The following LSAMP variants were observed in gnomAD, a reference collection of about 807,000 sequenced individuals.
The protein encoded by LSAMP is limbic system associated membrane protein.
A neutral mutation model predicts 38.6 loss-of-function variants in LSAMP; 7 were observed. The observed-to-expected ratio is 0.18, with a 90% CI of 0.10 to 0.34. The LOEUF is 0.34. Ranked by LOEUF, LSAMP falls within the 10% of genes least tolerant of loss-of-function variation. LSAMP has a pLI of 1.00. For synonymous variants in LSAMP, 154 were observed against 166.8 expected (o/e 0.92, Z 0.59); for missense variants, 313 against 420.0 (o/e 0.75, Z 2.23).
At chr3:116,310,349 A>G (rs1182920509) in intron 1 of LSAMP, among the ~76,000 whole-genome samples, 1 of 152,190 alleles carries the variant, frequency 6.6e-6, no homozygotes, top group East Asian at 1.9e-4. Flanking sequence ...TTTAGCTACT[A>G]AAACTGCTCT....
At chr3:116,357,057 T>A (rs2048235700) in intron 1 of LSAMP, among the ~76,000 whole-genome samples, 1 of 152,180 alleles carries the variant, frequency 6.6e-6, no homozygotes, top group South Asian at 2.1e-4. Context: ...CCTCCCAAAG[T>A]GCTGGGATTA....
chr3:116,379,034 C>G (rs1462310983), intron 1 of LSAMP, among the ~76,000 whole-genome samples: 1 of 144,976 alleles, frequency 6.9e-6, no homozygotes, highest in Non-Finnish European at 1.5e-5. Flanking sequence ...CACACACACA[C>G]GAGTCCTACC....
intron 3 of LSAMP, among the ~76,000 whole-genome samples, chr3:115,920,885 CATATATAT>C (rs111648586): frequency 1.3e-5 from 2 of 148,614 alleles, no homozygotes; most frequent in Non-Finnish European, 3.0e-5. Context: ...ATGTTGGGTG[CATATATAT>C]ATATATATTA....
At chr3:115,865,154 C>T (rs1935821596) in intron 3 of LSAMP, among the ~76,000 whole-genome samples, 1 of 152,132 alleles carries the variant, frequency 6.6e-6, no homozygotes. Context: ...TGGTATGCTA[C>T]TATCAGTTTA....
chr3:116,057,971 A>ACACACACACC, intron 2 of LSAMP, among the ~76,000 whole-genome samples: 1 of 147,378 alleles, frequency 6.8e-6, no homozygotes, highest in African/African-American at 2.5e-5. Flanking sequence ...ACACACACAC[A>ACACACACACC]CACACACACA....
intron 2 of LSAMP, among the ~76,000 whole-genome samples, chr3:116,023,596 C>T (rs1256087005): frequency 1.5e-5 from 2 of 130,872 alleles, no homozygotes; most frequent in East Asian, 4.4e-4. Context: ...CAGAGCGAGA[C>T]TCCGTCTCAA....
intron 3 of LSAMP, among the ~76,000 whole-genome samples, chr3:115,979,944 A>G (rs1460406546): frequency 6.6e-6 from 1 of 152,138 alleles, no homozygotes; most frequent in Non-Finnish European, 1.5e-5. Flanking sequence ...GGTGCCCTTT[A>G]ATCATTAGCA....
At chr3:115,835,044 CA>C (rs1934739435) in intron 6 of LSAMP, among the ~76,000 whole-genome samples, 1 of 152,150 alleles carries the variant, frequency 6.6e-6, no homozygotes, top group African/African-American at 2.4e-5. Context: ...CCGTATAGTT[CA>C]CATCAGCTTT....
At chr3:116,393,762 G>C (rs1054086953) in intron 1 of LSAMP, among the ~76,000 whole-genome samples, 9 of 152,196 alleles carry the variant, frequency 5.9e-5, no homozygotes, top group Non-Finnish European at 5.9e-5. Flanking sequence ...AGCTATTAAA[G>C]TAAGTCTGTA....
intron 1 of LSAMP, among the ~76,000 whole-genome samples, chr3:116,092,231 A>G (rs1339489238): frequency 1.3e-5 from 2 of 152,226 alleles, no homozygotes; most frequent in Non-Finnish European, 2.9e-5. Context: ...AACTATTTTA[A>G]TATTTCTTAA....
At chr3:115,889,606 A>G (rs1038060286) in intron 3 of LSAMP, among the ~76,000 whole-genome samples, 7 of 152,094 alleles carry the variant, frequency 4.6e-5, no homozygotes, top group African/African-American at 1.7e-4. Context: ...AATGGAGAAG[A>G]TGGCATTGGA....
intron 3 of LSAMP, among the ~76,000 whole-genome samples, chr3:115,961,275 G>A (rs1469857884): frequency 1.3e-5 from 2 of 152,156 alleles, no homozygotes; most frequent in Non-Finnish European, 2.9e-5. Flanking sequence ...GAGACAGTGG[G>A]AGATGAGTTA....
intron 1 of LSAMP, among the ~76,000 whole-genome samples, chr3:116,372,234 G>T (rs1196677599): frequency 6.6e-6 from 1 of 151,912 alleles, no homozygotes; most frequent in African/African-American, 2.4e-5. Context: ...TAGGCCAATG[G>T]AATAAAATAC....
At chr3:115,925,206 C>T (rs558731718) in intron 3 of LSAMP, among the ~76,000 whole-genome samples, 13 of 152,034 alleles carry the variant, frequency 8.6e-5, no homozygotes, top group South Asian at 4.2e-4. Flanking sequence ...ACATGGGCTA[C>T]GGTGTCCACA....
At chr3:116,149,515 T>C (rs1437234329) in intron 1 of LSAMP, among the ~76,000 whole-genome samples, 2 of 152,026 alleles carry the variant, frequency 1.3e-5, no homozygotes, top group African/African-American at 4.8e-5. Flanking sequence ...AGATTGAACC[T>C]TGGGCATTTG....
At chr3:116,252,458 C>A (rs911230917) in intron 1 of LSAMP, among the ~76,000 whole-genome samples, 1 of 152,098 alleles carries the variant, frequency 6.6e-6, no homozygotes, top group Non-Finnish European at 1.5e-5. Context: ...AGATGCTTAT[C>A]CAGTCTTTGA....
rs202055926 is a variant in LSAMP at position 115,841,985 on chromosome 3, C to T, written c.779G>A (p.Ser260Asn). 7.5e-6 allele frequency: 12 copies of T among 1,610,478 alleles called. No homozygotes were observed. The Admixed American group carries it at 1.5e-4, about 20-fold the overall frequency. The stretch of plus-strand genomic sequence containing the variant: ...GCTCTTAATCTCAAGGCCATTGGCA[C>T]TATTTATCCTAAGAGTTCAAAAACA... ...EWYRDDTRIN[S>N]ANGLEIKSTE... The change falls in exon 6 of 7, where the codon AGT (serine) becomes AAT (asparagine). Residue 260 changes from serine to asparagine, a missense_variant. Ser to Asn is a conservative substitution (Grantham distance 46). Coordinates refer to ENST00000490035, the MANE Select transcript of LSAMP (RefSeq NM_002338.5).
At chr3:116,006,076 T>C (rs1308268064) in intron 3 of LSAMP, among the ~76,000 whole-genome samples, 2 of 152,166 alleles carry the variant, frequency 1.3e-5, no homozygotes, top group African/African-American at 4.8e-5. Context: ...TGAGCAGATA[T>C]TATATGCTAT....
intron 6 of LSAMP, among the ~76,000 whole-genome samples, chr3:115,814,440 T>A (rs1005167291): frequency 2.0e-5 from 3 of 152,234 alleles, no homozygotes; most frequent in African/African-American, 7.2e-5. Context: ...TATAAATTTG[T>A]TTCAGGATCT....
Sources: allele counts gnomAD v4.1 joint callset (sites outside exome capture counted in the v4.1 genomes callset), GRCh38; gene constraint gnomAD v4.1.1; transcripts MANE v1.5; gene names NCBI Gene and HGNC (gene_info 2026-07-23, HGNC 2026-07-21).